The following QSOX2 variants were observed in gnomAD, a reference collection of about 807,000 sequenced individuals.
QSOX2 encodes the protein quiescin sulfhydryl oxidase 2.
In QSOX2, 46 loss-of-function variants were observed where a neutral mutation model predicts 61.7. The observed-to-expected ratio is 0.75, with a 90% CI of 0.59 to 0.95. The LOEUF is 0.95. Ranked by LOEUF, QSOX2 falls within the 40% of genes least tolerant of loss-of-function variation. QSOX2 has a pLI of 0.00. For synonymous variants in QSOX2, 383 were observed against 388.4 expected, an observed-to-expected ratio of 0.99 and a Z score of 0.16; for missense variants, 879 against 918.9, an observed-to-expected ratio of 0.96 and a Z score of 0.56.
intron 9 of QSOX2, 67 bp from the exon 10 acceptor site, chr9:136,215,371 A>G: frequency 4.2e-6 from 4 of 963,102 alleles, no homozygotes; most frequent in South Asian, 3.1e-5. Flanking sequence ...AAAACAGTCG[A>G]CAGCTGCCTT....
chr9:136,211,170 G>A, intron 11 of QSOX2, 94 bp downstream of exon 11: 1 of 1,375,702 alleles, frequency 7.3e-7, no homozygotes. Flanking sequence ...AAAGCTCAGG[G>A]ACAAGCCCCA....
At position 136,223,700 on chromosome 9, in the gene QSOX2, C is replaced by T; in HGVS notation, c.675+63G>A. The T allele has an allele frequency of 7.5e-7, 1 of 1,327,434 alleles. No individual in the cohort carries two copies. The highest frequency in any genetic ancestry group is 1.1e-6 in the Non-Finnish European group (1 of 930,826). 82.2% of individuals were successfully genotyped at this position (1,327,434 alleles called of 1,614,324 possible). On this transcript the variant is annotated intron_variant, in intron 5 of 11. Coordinates refer to ENST00000358701, the MANE Select transcript of QSOX2 (RefSeq NM_181701.4). This position sits in a 1 kb window ranked among gnomAD's most constrained non-coding sequence, Gnocchi z 4.4. ...TGACCGGCACCTGCAAATCTCATCA[C>T]AGATCCACCGCCAACCCCAATCACA...
chr9:136,207,364 TACACACAC>T lies in QSOX2; in HGVS notation c.*1356_*1363del, dbSNP rs58474709. 1.4e-3 allele frequency: 209 copies of T among 145,102 alleles called. No homozygotes were observed. The highest frequency in any genetic ancestry group is 5.3e-3 in the East Asian group (27 of 5,080). The allele number at this position is 145,102 out of a possible 1,614,324, so 9.0% of individuals were successfully genotyped here. ...ACCGTCAAAGTCTCTCTCTCTCTCA[TACACACAC>T]ACACACACACACACACACACACACA... On this transcript the variant is annotated 3_prime_UTR_variant, in exon 12 of 12. Transcript: ENST00000358701.
At chr9:136,224,206 G>T in intron 3 of QSOX2, 94 bp from the exon 4 acceptor site, 1 of 955,144 alleles carries the variant, frequency 1.0e-6, no homozygotes, top group Non-Finnish European at 1.6e-6. Context: ...CCAGCCTGGG[G>T]CCCAAAGACA....
At chr9:136,231,527 T>G (rs1270620668) in intron 1 of QSOX2, among the ~76,000 whole-genome samples, 1 of 152,258 alleles carries the variant, frequency 6.6e-6, no homozygotes, top group Admixed American at 6.5e-5. Flanking sequence ...ACCAGAGGGC[T>G]CTGCCCTTGG....
At chr9:136,224,944 C>A (rs368293825) in intron 2 of QSOX2, 35 bp from the exon 3 acceptor site, 3 of 1,541,950 alleles carry the variant, frequency 1.9e-6, no homozygotes, top group Admixed American at 1.8e-5. Flanking sequence ...TAAGAGGCAG[C>A]CTTCCATGGG....
In QSOX2 at chr9:136,245,618, G is replaced by A. The variant is rs1554758432; in HGVS notation, c.186C>T (p.Ala62=). 1.3e-6 allele frequency: 2 copies of A among 1,539,414 alleles called. No homozygotes were observed. Among genetic ancestry groups the A allele is most frequent in the East Asian group, 2.6e-5 (1 of 38,222 alleles). The change falls in exon 1 of 12, where the codon GCC becomes GCT. Residue 62 remains alanine, a synonymous_variant. Coordinates refer to ENST00000358701, the MANE Select transcript of QSOX2 (RefSeq NM_181701.4). ...AARLYRAGED[A]VWVLDSGSVR... is the part of the protein sequence containing the mutation. ...CGCTGCCGCTGTCCAGCACCCACACGGCGTCCTCGCCCGCGCGGTACAGCC... is the reference window on the plus strand; with the variant it reads ...CGCTGCCGCTGTCCAGCACCCACACAGCGTCCTCGCCCGCGCGGTACAGCC...
chr9:136,231,946 C>T (rs1311263136), intron 1 of QSOX2, among the ~76,000 whole-genome samples: 2 of 150,826 alleles, frequency 1.3e-5, no homozygotes, highest in Non-Finnish European at 3.0e-5. Context: ...CCGCAGGTCC[C>T]ATCTGCCAGG....
rs1830229537 is a variant in QSOX2, at chr9:136,222,599, G to C, written c.676-658C>G. Reference sequence around the variant, plus strand: ...GCGTGGCCGTGCCTCTCCTGAGCTGGGTGTGTCTGCGAAGAGCTGATCGCT... The same window carrying C: ...GCGTGGCCGTGCCTCTCCTGAGCTGCGTGTGTCTGCGAAGAGCTGATCGCT... On this transcript the variant is annotated intron_variant, in intron 5 of 11. Transcript: ENST00000358701. This position sits in a 1 kb window ranked among gnomAD's most constrained non-coding sequence, Gnocchi z 6.9. Among the ~76,000 whole-genome samples the C allele has an allele frequency of 6.6e-6, 1 of 152,212 alleles. No homozygotes were observed. The highest frequency in any genetic ancestry group is 6.5e-5 in the Admixed American group (1 of 15,286).
chr9:136,235,448 C>A (rs543831793), intron 1 of QSOX2, among the ~76,000 whole-genome samples: 1 of 152,320 alleles, frequency 6.6e-6, no homozygotes, highest in South Asian at 2.1e-4. Context: ...GAGGCGGCCG[C>A]GGGAGCACCT....
At chr9:136,243,867 G>A (rs967088234) in intron 1 of QSOX2, among the ~76,000 whole-genome samples, 2 of 152,216 alleles carry the variant, frequency 1.3e-5, no homozygotes, top group African/African-American at 4.8e-5. Flanking sequence ...AAGACAGTCA[G>A]CCTCACTAAA....
At chr9:136,213,248 T>TA (rs1831869961) in intron 10 of QSOX2, among the ~76,000 whole-genome samples, 1 of 107,978 alleles carries the variant, frequency 9.3e-6, no homozygotes, top group South Asian at 3.1e-4. Context: ...GTTGTGTTTT[T>TA]TTTTTTTTTT....
chr9:136,211,223 C>G (rs774415774), intron 11 of QSOX2, 41 bp downstream of exon 11: 1 of 1,600,830 alleles, frequency 6.2e-7, no homozygotes, highest in East Asian at 2.2e-5. Context: ...CAGGGCCTCC[C>G]TCCGCCCGTG....
intron 1 of QSOX2, among the ~76,000 whole-genome samples, chr9:136,234,188 C>T (rs573544216): frequency 6.6e-6 from 1 of 152,222 alleles, no homozygotes; most frequent in African/African-American, 2.4e-5. Context: ...CTCTTTTGTG[C>T]GACGATCTTC....
intron 1 of QSOX2, among the ~76,000 whole-genome samples, chr9:136,227,270 C>T (rs1830291479): frequency 2.0e-5 from 3 of 152,182 alleles, no homozygotes; most frequent in Admixed American, 6.5e-5. Context: ...ACGGTCCAGG[C>T]TGTTTGGCAA....
In QSOX2 at chr9:136,209,509, T is replaced by C. The variant is rs1366281309; in HGVS notation, c.1550-234A>G. ...ACGTGTTCCCCTCTGCCGGTTCCCA[T>C]AGCCTGCAAGTGAGGAGACGCTACA... On this transcript the variant is annotated intron_variant, in intron 11 of 11. Transcript: ENST00000358701. The surrounding 1 kb of genome is among the most constrained non-coding windows in gnomAD (Gnocchi z 5.6). The C allele has an allele frequency of 6.1e-6, 6 of 985,224 alleles. No homozygotes were observed. Among genetic ancestry groups the C allele is most frequent in the South Asian group, 9.4e-5 (2 of 21,292 alleles). 61.0% of individuals were successfully genotyped at this position (985,224 alleles called of 1,614,324 possible). A position where few individuals can be genotyped will look rare whatever the true frequency, so the allele number is the denominator to read the frequency against.
chr9:136,235,008 T>C (rs907982914), intron 1 of QSOX2, among the ~76,000 whole-genome samples: 1 of 151,944 alleles, frequency 6.6e-6, no homozygotes, highest in Non-Finnish European at 1.5e-5. Flanking sequence ...CCCTGACCGC[T>C]GTTCAACTGG....
chr9:136,242,542 A>G (rs1188425824), intron 1 of QSOX2, among the ~76,000 whole-genome samples: 1 of 152,294 alleles, frequency 6.6e-6, no homozygotes, highest in Non-Finnish European at 1.5e-5. Flanking sequence ...TCAGGTCAAC[A>G]GGGACATAAG....
intron 1 of QSOX2, among the ~76,000 whole-genome samples, chr9:136,231,906 C>T (rs72773800): frequency 6.8e-6 from 1 of 147,356 alleles, no homozygotes; most frequent in Non-Finnish European, 1.5e-5. Context: ...CTCTCCACCC[C>T]CTCCACCCCC....
Sources: allele counts gnomAD v4.1 joint callset (sites outside exome capture counted in the v4.1 genomes callset), GRCh38; gene constraint gnomAD v4.1.1; non-coding constraint Gnocchi (gnomAD v3.1); transcripts MANE v1.5; gene names NCBI Gene and HGNC (gene_info 2026-07-23, HGNC 2026-07-21).